The following VIPR2 variants were observed in gnomAD, a reference collection of about 807,000 sequenced individuals.
The protein encoded by VIPR2 is vasoactive intestinal polypeptide receptor 2.
In VIPR2, 48 loss-of-function variants were observed where a neutral mutation model predicts 58.0. The observed-to-expected ratio is 0.83, with a 90% CI of 0.66 to 1.05. The LOEUF (loss-of-function observed/expected upper bound fraction) is 1.05. Ranked by LOEUF, VIPR2 falls within the 50% of genes least tolerant of loss-of-function variation. VIPR2 has a pLI of 0.00. For synonymous variants in VIPR2, 243 were observed against 235.2 expected, an observed-to-expected ratio of 1.03 and a Z score of -0.30; for missense variants, 534 against 558.0, an observed-to-expected ratio of 0.96 and a Z score of 0.43.
Position 159,140,649 on chromosome 7 carries a change from G to C in VIPR2, c.151+1797C>G, listed in dbSNP as rs187543419. On this transcript the variant is annotated intron_variant, in intron 2 of 12. Transcript: ENST00000262178. ...GACACCTTGTCGCTGCAAGAAAGCC[G>C]AGTGACAAGTTTCCCAACCAACGCT... Among the ~76,000 whole-genome samples, 285 of 152,368 alleles carry C rather than the reference G, an allele frequency of 1.9e-3. 4 individuals are homozygous for C. In the South Asian group the frequency reaches 0.019, roughly 10 times the overall value.
At position 159,031,347 on chromosome 7, in the gene VIPR2, G is replaced by T. The variant is rs1853568062; in HGVS notation, c.1143+481C>A. On this transcript the variant is annotated intron_variant, in intron 12 of 12. Coordinates refer to ENST00000262178, the MANE Select transcript of VIPR2 (RefSeq NM_003382.5). The surrounding 1 kb of genome is among the most constrained non-coding windows in gnomAD (Gnocchi z 4.0). ...GGGAGGGTCAGGGGTCAGGGGACGG[G>T]GCCAGGCCGTTGGAGCAGCCCGGAG... The T allele has an allele frequency of 2.4e-6, 2 of 831,166 alleles. No individual in the cohort carries two copies. Among genetic ancestry groups the T allele is most frequent in the South Asian group, 1.1e-4 (2 of 18,308 alleles). The allele number at this position is 831,166 out of a possible 1,614,324, so 51.5% of individuals were successfully genotyped here.
Position 159,031,853 on chromosome 7 carries a change from A to G in VIPR2, c.1118T>C (p.Val373Ala), listed in dbSNP as rs767202622. Residue 373 changes from valine to alanine, a missense_variant, in exon 12 of 13, where the codon GTC (valine) becomes GCC (alanine). Transcript: ENST00000262178. This position sits in a 1 kb window ranked among gnomAD's most constrained non-coding sequence, Gnocchi z 4.0. ...LGSFQGLVVA[V>A]LYCFLNSEVQ... is the part of the protein sequence containing the mutation. ...CTCACTGTTCAGGAAACAGTAGAGG[A>G]CGGCCACCACCAGGCCCTGCAATGA... The G allele has an allele frequency of 5.0e-6, 8 of 1,613,992 alleles. No homozygotes were observed. The highest frequency in any genetic ancestry group is 6.8e-6 in the Non-Finnish European group (8 of 1,180,016).
At chr7:159,103,712 T>C (rs1858441181) in intron 4 of VIPR2, 45 bp downstream of exon 4, 3 of 1,467,238 alleles carry the variant, frequency 2.0e-6, no homozygotes, top group Non-Finnish European at 1.9e-6. Context: ...TGGTGCAGTG[T>C]TAGGAAGTGG....
At chr7:159,080,438 C>T (rs540229857) in intron 4 of VIPR2, among the ~76,000 whole-genome samples, 2 of 152,126 alleles carry the variant, frequency 1.3e-5, no homozygotes, top group South Asian at 4.1e-4. Flanking sequence ...TAAAAACTCT[C>T]AATAAATTAG....
chr7:159,043,210 AG>A, intron 5 of VIPR2, 34 bp from the exon 6 acceptor site: 2 of 1,090,118 alleles, frequency 1.8e-6, no homozygotes, highest in Non-Finnish European at 1.3e-6. Flanking sequence ...GAGGAATTGG[AG>A]GGGGAAGGGG....
chr7:159,122,850 TTTTA>T lies in VIPR2; in HGVS notation c.152-12935_152-12932del, dbSNP rs200154829. On this transcript the variant is annotated intron_variant, in intron 2 of 12. Coordinates refer to ENST00000262178, the MANE Select transcript of VIPR2 (RefSeq NM_003382.5). ...GAGGTGGGAAAATCTTTTTTTTAAC[TTTTA>T]TTTTAGGTTCTGGGGTACATGTGCA... Among the ~76,000 whole-genome samples the T allele has an allele frequency of 7.2e-3, 1,092 of 152,324 alleles. 21 individuals are homozygous for T. Among genetic ancestry groups the T allele is most frequent in the African/African-American group, 0.025 (1,051 of 41,568 alleles).
chr7:159,110,694 T>TA (rs10624147), intron 2 of VIPR2, among the ~76,000 whole-genome samples: 91,935 of 138,474 alleles, frequency 0.66, 28,538 homozygotes, highest in South Asian at 0.75. Flanking sequence ...CCTTGGTCGG[T>TA]AAAACAAACA....
At chr7:159,105,859 A>G (rs923595482) in intron 3 of VIPR2, among the ~76,000 whole-genome samples, 2 of 152,204 alleles carry the variant, frequency 1.3e-5, no homozygotes, top group Non-Finnish European at 2.9e-5. Context: ...CAGCACTCAT[A>G]ATAGTTATTA....
Position 159,034,222 on chromosome 7 carries a change from G to T in VIPR2, c.962C>A (p.Ser321Tyr). The T allele has an allele frequency of 6.2e-7, 1 of 1,613,998 alleles. No homozygotes were observed. The highest frequency in any genetic ancestry group is 8.5e-7 in the Non-Finnish European group (1 of 1,179,962). The change falls in exon 10 of 13, where the codon TCT becomes TAT. Residue 321 changes from serine (S) to tyrosine (Y), a missense_variant. Coordinates refer to ENST00000262178, the MANE Select transcript of VIPR2 (RefSeq NM_003382.5). ...TSPDVGGNDQ[S>Y]QYKRLAKSTL... Reference sequence around the variant, plus strand: ...CGGGACACACACTCACTTGTACTGAGACTGGTCGTTGCCGCCGACATCTGG... The same window carrying T: ...CGGGACACACACTCACTTGTACTGATACTGGTCGTTGCCGCCGACATCTGG...
At chr7:159,036,688 G>T in intron 7 of VIPR2, 64 bp downstream of exon 7, 4 of 1,534,868 alleles carry the variant, frequency 2.6e-6, no homozygotes, top group Non-Finnish European at 3.5e-6. Flanking sequence ...AGCTGAAAAT[G>T]TTTGCGTTGT....
chr7:159,118,004 A>C (rs1796305516), intron 2 of VIPR2, among the ~76,000 whole-genome samples: 1 of 152,194 alleles, frequency 6.6e-6, no homozygotes, highest in Non-Finnish European at 1.5e-5. Flanking sequence ...ACAACAACAA[A>C]GCTTCCTCCA....
At chr7:159,080,721 T>C (rs1029684291) in intron 4 of VIPR2, among the ~76,000 whole-genome samples, 3 of 152,142 alleles carry the variant, frequency 2.0e-5, no homozygotes, top group Non-Finnish European at 2.9e-5. Flanking sequence ...GAAAACCCCA[T>C]TGTCTCAGCC....
At chr7:159,109,440 A>G (rs1451007643) in intron 3 of VIPR2, among the ~76,000 whole-genome samples, 1 of 152,186 alleles carries the variant, frequency 6.6e-6, no homozygotes, top group Admixed American at 6.5e-5. Flanking sequence ...CCCACTTCCC[A>G]GAAACTTCCA....
chr7:159,036,160 C>G (rs1164351698), intron 7 of VIPR2, 148 bp from the exon 8 acceptor site: 9 of 1,003,238 alleles, frequency 9.0e-6, no homozygotes, highest in Non-Finnish European at 1.1e-5. Flanking sequence ...TAAATATTTA[C>G]AAGTTTATGC....
chr7:159,100,243 C>G (rs948204139), intron 4 of VIPR2, among the ~76,000 whole-genome samples: 2 of 152,200 alleles, frequency 1.3e-5, no homozygotes, highest in Admixed American at 6.5e-5. Context: ...CAGTGGGGAG[C>G]ACACCTCACC....
At chr7:159,061,797 C>T (rs993032711) in intron 4 of VIPR2, among the ~76,000 whole-genome samples, 20 of 152,246 alleles carry the variant, frequency 1.3e-4, no homozygotes, top group Non-Finnish European at 2.9e-4. Context: ...TTCTGGATCT[C>T]ACGCTCAGCG....
rs1857922681 is a variant in VIPR2, at chr7:159,097,346, T to A, written c.357+6411A>T. 1.8e-6 allele frequency: 2 copies of A among 1,096,522 alleles called. No homozygotes were observed. Among genetic ancestry groups the A allele is most frequent in the Non-Finnish European group, 1.2e-6 (1 of 835,690 alleles). The allele number at this position is 1,096,522 out of a possible 1,614,324, so 67.9% of individuals were successfully genotyped here. ...CGAAATGCCAAACAGTTCTCTTGGCTAAATTTAGCAGACGTGCTCTTTATG... is the reference window on the plus strand; with the variant it reads ...CGAAATGCCAAACAGTTCTCTTGGCAAAATTTAGCAGACGTGCTCTTTATG... On this transcript the variant is annotated intron_variant, in intron 4 of 12. Transcript: ENST00000262178. The surrounding 1 kb of genome is among the most constrained non-coding windows in gnomAD (Gnocchi z 5.3).
intron 2 of VIPR2, among the ~76,000 whole-genome samples, chr7:159,135,009 T>G (rs1359889476): frequency 8.3e-6 from 1 of 120,144 alleles, no homozygotes. Context: ...CAAAAGTTTT[T>G]TTTTTTTTTT....
At chr7:159,074,356 T>C (rs1856543377) in intron 4 of VIPR2, among the ~76,000 whole-genome samples, 1 of 152,230 alleles carries the variant, frequency 6.6e-6, no homozygotes, top group African/African-American at 2.4e-5. Flanking sequence ...CTCAGCTTGC[T>C]CAGGACGCCA....
Sources: allele counts gnomAD v4.1 joint callset (sites outside exome capture counted in the v4.1 genomes callset), GRCh38; gene constraint gnomAD v4.1.1; non-coding constraint Gnocchi (gnomAD v3.1); transcripts MANE v1.5; gene names NCBI Gene and HGNC (gene_info 2026-07-23, HGNC 2026-07-21).